The following SIK3 variants were observed in gnomAD, a reference collection of about 807,000 sequenced individuals.
The protein encoded by SIK3 is SIK family kinase 3.
Under a neutral mutation model 144.2 loss-of-function variants are expected in SIK3, and 28 were observed. The ratio of observed to expected loss-of-function variants is 0.19; its 90% CI spans 0.14 to 0.27. SIK3 has a LOEUF of 0.27. Among genes scored for constraint, SIK3 ranks in the 10% least tolerant of loss-of-function variants. The pLI is 1.00. For missense variants in SIK3, 1,319 were observed against 1,776.0 expected, an observed-to-expected ratio of 0.74 and a Z score of 4.62; for synonymous variants, 686 against 676.3, an observed-to-expected ratio of 1.01 and a Z score of -0.22.
intron 1 of SIK3, among the ~76,000 whole-genome samples, chr11:117,061,123 G>A (rs972116503): frequency 3.9e-5 from 6 of 152,060 alleles, no homozygotes; most frequent in South Asian, 2.1e-4. Context: ...GGCACACACC[G>A]GTAGTCCCAG....
intron 1 of SIK3, among the ~76,000 whole-genome samples, chr11:117,004,280 C>T (rs1291864627): frequency 1.3e-5 from 2 of 152,042 alleles, no homozygotes; most frequent in Non-Finnish European, 2.9e-5. Context: ...GTTGCGAGGC[C>T]GAGGTGGGCA....
chr11:116,991,058 T>C (rs1950483629), intron 1 of SIK3, among the ~76,000 whole-genome samples: 1 of 152,242 alleles, frequency 6.6e-6, no homozygotes, highest in Non-Finnish European at 1.5e-5. Flanking sequence ...ACAAATGAAT[T>C]AAACCAAAGT....
intron 4 of SIK3, among the ~76,000 whole-genome samples, chr11:116,922,332 A>G (rs1947030517): frequency 1.3e-5 from 2 of 151,960 alleles, no homozygotes; most frequent in Non-Finnish European, 2.9e-5. Flanking sequence ...GTGACAAAAA[A>G]TGTTTAAAAT....
chr11:116,876,869 A>T, intron 7 of SIK3, 55 bp downstream of exon 7: 1 of 1,413,952 alleles, frequency 7.1e-7, no homozygotes, highest in Non-Finnish European at 1.0e-6. Flanking sequence ...TCACATGCAA[A>T]GGAGGCTGCA....
At chr11:116,862,042 G>A (rs1943364108) in intron 17 of SIK3, 116 bp from the exon 18 acceptor site, 1 of 1,271,570 alleles carries the variant, frequency 7.9e-7, no homozygotes, top group Non-Finnish European at 1.1e-6. Context: ...TTATGCTTTT[G>A]TTGTTCACCA....
At chr11:116,914,417 C>T (rs567909805) in intron 4 of SIK3, among the ~76,000 whole-genome samples, 3 of 152,214 alleles carry the variant, frequency 2.0e-5, no homozygotes, top group Non-Finnish European at 2.9e-5. Context: ...CCATGTTGGC[C>T]AGGCTGGTCT....
In SIK3 at chr11:117,050,099, G is replaced by A. The variant is rs745544839; in HGVS notation, c.273+48044C>T. 2.0e-5 allele frequency among the ~76,000 whole-genome samples: 3 copies of A among 152,206 alleles called. No individual in the cohort carries two copies. In the East Asian group the frequency reaches 5.8e-4, roughly 29 times the overall value. On this transcript the variant is annotated intron_variant, in intron 1 of 24. Transcript: ENST00000445177. Reference sequence around the variant, plus strand: ...TGAGGTCAGGGTTTGAGACCAGCCTGGCCAACATGGCAAAACCTTGTCTCT... The same window carrying A: ...TGAGGTCAGGGTTTGAGACCAGCCTAGCCAACATGGCAAAACCTTGTCTCT...
chr11:116,881,941 T>A (rs1239860024), intron 6 of SIK3, among the ~76,000 whole-genome samples: 3 of 150,840 alleles, frequency 2.0e-5, no homozygotes, highest in Non-Finnish European at 2.9e-5. Flanking sequence ...GATCAGATAA[T>A]AAGAGGCCAA....
intron 3 of SIK3, among the ~76,000 whole-genome samples, chr11:116,945,915 T>A (rs542007944): frequency 6.6e-6 from 1 of 152,276 alleles, no homozygotes; most frequent in Admixed American, 6.5e-5. Context: ...GTCTCTACCC[T>A]CTCACCCTTA....
chr11:117,020,236 C>CATATATATATATATATATATAT lies in SIK3; in HGVS notation c.274-63173_274-63172insATATATATATATATATATATAT, dbSNP rs754633188. 2.1e-4 allele frequency among the ~76,000 whole-genome samples: 26 copies of CATATATATATATATATATATAT among 122,306 alleles called. 2 individuals are homozygous for CATATATATATATATATATATAT. Among genetic ancestry groups the CATATATATATATATATATATAT allele is most frequent in the South Asian group, 5.2e-4 (2 of 3,862 alleles). 80.2% of individuals were successfully genotyped at this position (122,306 alleles called of 152,430 possible). A position where few individuals can be genotyped will look rare whatever the true frequency, so the allele number is the denominator to read the frequency against. On this transcript the variant is annotated intron_variant, in intron 1 of 24. Coordinates refer to ENST00000445177, the MANE Select transcript of SIK3 (RefSeq NM_001366686.3). Reference sequence around the variant, plus strand: ...GGTGATATTTGTATGTGTATATGTGCATATATATATACACATACATATATC... The same window carrying CATATATATATATATATATATAT: ...GGTGATATTTGTATGTGTATATGTGCATATATATATATATATATATATATATATATATACACATACATATATC...
intron 3 of SIK3, among the ~76,000 whole-genome samples, chr11:116,951,174 A>G (rs556692395): frequency 2.0e-5 from 3 of 152,194 alleles, no homozygotes; most frequent in Non-Finnish European, 4.4e-5. Flanking sequence ...GCTCTAAGTA[A>G]AAGGGCAAAT....
At chr11:116,881,995 A>T (rs972026816) in intron 6 of SIK3, among the ~76,000 whole-genome samples, 3 of 152,230 alleles carry the variant, frequency 2.0e-5, no homozygotes, top group African/African-American at 7.2e-5. Context: ...GGGAGCTCTT[A>T]ACCTACATGG....
chr11:116,967,015 GAA>G (rs1233594261), intron 1 of SIK3, among the ~76,000 whole-genome samples: 1 of 127,860 alleles, frequency 7.8e-6, no homozygotes, highest in Non-Finnish European at 1.6e-5. Flanking sequence ...AAAAAAAAAA[GAA>G]AAAGAAAAAG....
rs71037442 is a variant in SIK3, at chr11:117,013,972, CTTTT to C, written c.274-56912_274-56909del. On this transcript the variant is annotated intron_variant, in intron 1 of 24. Transcript: ENST00000445177. ...TGTGTTTTATTTCTTTTTTTCTTTT[CTTTT>C]TTTTTTTTTTTTTTTTTTGAGACAG... Among the ~76,000 whole-genome samples, 86 of 27,050 alleles carry C rather than the reference CTTTT, an allele frequency of 3.2e-3. 8 individuals are homozygous for C. Among genetic ancestry groups the C allele is most frequent in the Admixed American group, 6.9e-3 (11 of 1,604 alleles). The allele number at this position is 27,050 out of a possible 152,430, so 17.7% of individuals were successfully genotyped here. A position where few individuals can be genotyped will look rare whatever the true frequency, so the allele number is the denominator to read the frequency against.
chr11:117,019,302 A>AG (rs1951668045), intron 1 of SIK3, among the ~76,000 whole-genome samples: 1 of 152,188 alleles, frequency 6.6e-6, no homozygotes, highest in African/African-American at 2.4e-5. Flanking sequence ...TTACAGGGTG[A>AG]GCCACCGCAC....
intron 1 of SIK3, among the ~76,000 whole-genome samples, chr11:117,046,361 A>G (rs1952964591): frequency 6.6e-6 from 1 of 152,218 alleles, no homozygotes; most frequent in Non-Finnish European, 1.5e-5. Flanking sequence ...CTTGATCTCT[A>G]TATCCTTTGC....
intron 4 of SIK3, among the ~76,000 whole-genome samples, chr11:116,907,466 GCA>G (rs1946101493): frequency 6.6e-6 from 1 of 152,120 alleles, no homozygotes; most frequent in African/African-American, 2.4e-5. Flanking sequence ...GGCCAACACG[GCA>G]AAACCCCGTC....
intron 13 of SIK3, among the ~76,000 whole-genome samples, chr11:116,872,968 T>C (rs1944043166): frequency 6.6e-6 from 1 of 152,190 alleles, no homozygotes; most frequent in Non-Finnish European, 1.5e-5. Context: ...ATGAAGGACA[T>C]GTGACTAAGA....
At chr11:117,069,826 A>T (rs1591647193) in intron 1 of SIK3, among the ~76,000 whole-genome samples, 2 of 152,330 alleles carry the variant, frequency 1.3e-5, no homozygotes, top group East Asian at 3.8e-4. Context: ...AAGTCGCCAC[A>T]TTCATTTACT....
Sources: gnomAD v4.1 joint callset for allele counts (sites outside exome capture counted in the v4.1 genomes callset) on GRCh38, gnomAD v4.1.1 for gene constraint, MANE v1.5 for transcripts, NCBI Gene and HGNC (gene_info 2026-07-23, HGNC 2026-07-21) for gene names.